LPP: variants seen among roughly 807,000 people sequenced by gnomAD.
LPP encodes lipoma-preferred partner.
LPP carries 38 observed loss-of-function variants against 60.4 expected under a neutral mutation model. The observed-to-expected ratio is 0.63, with a 90% CI of 0.49 to 0.83. LPP has a LOEUF of 0.83. Ranked by LOEUF, LPP falls within the 40% of genes least tolerant of loss-of-function variation. LPP has a pLI of 0.00. For synonymous variants in LPP, 328 were observed against 290.8 expected (o/e 1.13, Z -1.30); for missense variants, 902 against 783.6 (o/e 1.15, Z -1.80).
intron 7 of LPP, among the ~76,000 whole-genome samples, chr3:188,668,991 T>C (rs938586228): frequency 6.6e-6 from 1 of 152,180 alleles, no homozygotes; most frequent in African/African-American, 2.4e-5. Context: ...TGATCATTAT[T>C]TGTAAGATCT....
At chr3:188,819,446 A>C (rs1420267867) in intron 9 of LPP, among the ~76,000 whole-genome samples, 1 of 152,190 alleles carries the variant, frequency 6.6e-6, no homozygotes, top group Non-Finnish European at 1.5e-5. Context: ...CAGGATTCAC[A>C]AAACAAGGCC....
At chr3:188,202,295 G>T (rs982518070) in intron 1 of LPP, among the ~76,000 whole-genome samples, 6 of 152,188 alleles carry the variant, frequency 3.9e-5, no homozygotes, top group African/African-American at 1.4e-4. Context: ...CTGTGGTTCT[G>T]GGAGGGCCCT....
intron 3 of LPP, among the ~76,000 whole-genome samples, chr3:188,343,483 G>T (rs1474917159): frequency 6.6e-6 from 1 of 152,138 alleles, no homozygotes; most frequent in African/African-American, 2.4e-5. Flanking sequence ...GTTTTTGACA[G>T]CTCTGTGAGG....
chr3:188,481,603 C>G (rs1804787476), intron 4 of LPP, among the ~76,000 whole-genome samples: 1 of 152,206 alleles, frequency 6.6e-6, no homozygotes, highest in African/African-American at 2.4e-5. Context: ...AAGGGACAGA[C>G]AGTTGTACTT....
intron 3 of LPP, among the ~76,000 whole-genome samples, chr3:188,363,132 G>A (rs528641786): frequency 2.6e-5 from 4 of 152,092 alleles, no homozygotes; most frequent in Admixed American, 2.6e-4. Flanking sequence ...TCAAGAGGTT[G>A]TTTACTACAG....
intron 9 of LPP, among the ~76,000 whole-genome samples, chr3:188,835,768 A>G (rs1758302599): frequency 6.6e-6 from 1 of 152,236 alleles, no homozygotes; most frequent in African/African-American, 2.4e-5. Flanking sequence ...GGAATTATGA[A>G]TGGGCAGAGA....
intron 1 of LPP, among the ~76,000 whole-genome samples, chr3:188,219,188 G>A (rs982546401): frequency 3.9e-5 from 6 of 152,050 alleles, no homozygotes; most frequent in African/African-American, 9.7e-5. Context: ...ACATATTATC[G>A]TTTCCATTTT....
At chr3:188,197,620 G>C (rs1225928375) in intron 1 of LPP, among the ~76,000 whole-genome samples, 1 of 152,138 alleles carries the variant, frequency 6.6e-6, no homozygotes, top group Non-Finnish European at 1.5e-5. Context: ...CCCTAATGAG[G>C]TGCATAAGGG....
At chr3:188,314,940 C>T (rs1038829896) in intron 2 of LPP, among the ~76,000 whole-genome samples, 2 of 152,010 alleles carry the variant, frequency 1.3e-5, no homozygotes, top group African/African-American at 4.8e-5. Flanking sequence ...AATACCTTCA[C>T]TTATTGCCTT....
chr3:188,515,475 T>C (rs1158453254), intron 5 of LPP, among the ~76,000 whole-genome samples: 2 of 152,230 alleles, frequency 1.3e-5, no homozygotes, highest in African/African-American at 2.4e-5. Flanking sequence ...CAGCTATTGT[T>C]CTATAGTGAT....
rs1024761390 is a variant in LPP at position 188,879,845 on chromosome 3, C to T, written c.*5366C>T. 5.5e-6 allele frequency: 1 copy of T among 180,700 alleles called. No homozygotes were observed. Among genetic ancestry groups the T allele is most frequent in the African/African-American group, 2.4e-5 (1 of 42,354 alleles). 11.2% of individuals were successfully genotyped at this position (180,700 alleles called of 1,614,324 possible). A position where few individuals can be genotyped will look rare whatever the true frequency, so the allele number is the denominator to read the frequency against. On this transcript the variant is annotated 3_prime_UTR_variant, in exon 12 of 12. Coordinates refer to ENST00000617246, the MANE Select transcript of LPP (RefSeq NM_001375462.1). ...ATATTTTTCAGCAGGTTGGACAGCA[C>T]CAGTTTTTCTTAGATCACAGACTAC...
intron 4 of LPP, among the ~76,000 whole-genome samples, chr3:188,464,245 T>G (rs1472960140): frequency 6.6e-6 from 1 of 152,204 alleles, no homozygotes; most frequent in Admixed American, 6.5e-5. Context: ...GGGAGTCAAG[T>G]GAACCATTTT....
chr3:188,411,052 C>G (rs1784780345), intron 4 of LPP, among the ~76,000 whole-genome samples: 1 of 152,076 alleles, frequency 6.6e-6, no homozygotes, highest in Non-Finnish European at 1.5e-5. Context: ...CTGCAAATGC[C>G]ATTATTTCAT....
chr3:188,518,270 A>T (rs1244722901), intron 5 of LPP, among the ~76,000 whole-genome samples: 2 of 152,222 alleles, frequency 1.3e-5, no homozygotes, highest in Non-Finnish European at 2.9e-5. Flanking sequence ...TAGAAAGAAG[A>T]GAGTAATAAA....
chr3:188,363,036 ATT>A (rs5855190), intron 3 of LPP, among the ~76,000 whole-genome samples: 68 of 148,902 alleles, frequency 4.6e-4, no homozygotes, highest in East Asian at 1.8e-3. Context: ...TATTTTATTT[ATT>A]TTTTTTTTTT....
rs544109396 is a variant in LPP, at chr3:188,691,729, G to A, written c.1114-16538G>A. Among the ~76,000 whole-genome samples, 3 of 152,194 alleles carry A rather than the reference G, an allele frequency of 2.0e-5. No homozygotes were observed. In the East Asian group the frequency reaches 5.8e-4, roughly 29 times the overall value. On this transcript the variant is annotated intron_variant, in intron 7 of 11. Transcript: ENST00000617246. ...GAGGAACATAGAACTCTAGCAGCCAGGCTGCTCTATTCTTATTTTCTCTAT... is the reference window on the plus strand; with the variant it reads ...GAGGAACATAGAACTCTAGCAGCCAAGCTGCTCTATTCTTATTTTCTCTAT...
At chr3:188,730,739 A>T (rs895610145) in intron 8 of LPP, among the ~76,000 whole-genome samples, 28 of 152,228 alleles carry the variant, frequency 1.8e-4, no homozygotes, top group African/African-American at 6.5e-4. Flanking sequence ...TAGATGTTCA[A>T]CATGAGTCTC....
chr3:188,651,186 A>G (rs915187591), intron 7 of LPP, among the ~76,000 whole-genome samples: 1 of 152,202 alleles, frequency 6.6e-6, no homozygotes, highest in African/African-American at 2.4e-5. Flanking sequence ...TGCTTCAGGA[A>G]TTTCTGCCAT....
intron 1 of LPP, among the ~76,000 whole-genome samples, chr3:188,167,342 A>G (rs898193537): frequency 4.6e-5 from 7 of 152,192 alleles, no homozygotes; most frequent in African/African-American, 1.4e-4. Context: ...TACTAAAAAT[A>G]CAAAAATTAG....
Sources: allele counts gnomAD v4.1 joint callset (sites outside exome capture counted in the v4.1 genomes callset), GRCh38; gene constraint gnomAD v4.1.1; transcripts MANE v1.5; gene names NCBI Gene and HGNC (gene_info 2026-07-23, HGNC 2026-07-21).